Variants in FAM76A observed in about 807,000 individuals in gnomAD.
The protein encoded by FAM76A is family with sequence similarity 76 member A, also known as protein FAM76A.
A neutral mutation model predicts 46.2 loss-of-function variants in FAM76A; 32 were observed. That is an observed-to-expected ratio of 0.69 (90% confidence interval 0.52 to 0.93). FAM76A has a LOEUF of 0.93. Among genes scored for constraint, FAM76A ranks in the 40% least tolerant of loss-of-function variants. The pLI, the probability that FAM76A is intolerant of heterozygous loss-of-function variation, is 0.00. For missense variants in FAM76A, 274 were observed against 361.5 expected (o/e 0.76, Z 1.96); for synonymous variants, 137 against 127.0 (o/e 1.08, Z -0.53).
intron 4 of FAM76A, among the ~76,000 whole-genome samples, chr1:27,734,956 C>A (rs142813724): frequency 6.6e-6 from 1 of 152,360 alleles, no homozygotes; most frequent in African/African-American, 2.4e-5. Context: ...TCATATTACT[C>A]TCTTGCTTAA....
chr1:27,750,368 G>T (rs553696505), intron 6 of FAM76A, among the ~76,000 whole-genome samples: 2 of 152,262 alleles, frequency 1.3e-5, no homozygotes, highest in East Asian at 3.9e-4. Context: ...GATTACATGG[G>T]GGGAGGAACC....
intron 6 of FAM76A, among the ~76,000 whole-genome samples, chr1:27,750,677 C>A (rs576850775): frequency 2.2e-4 from 34 of 152,326 alleles, no homozygotes; most frequent in African/African-American, 7.7e-4. Flanking sequence ...TGTTCACTTT[C>A]TATTAGCTTA....
intron 2 of FAM76A, among the ~76,000 whole-genome samples, chr1:27,731,341 T>G (rs1270143361): frequency 6.6e-6 from 1 of 151,838 alleles, no homozygotes; most frequent in Non-Finnish European, 1.5e-5. Context: ...GTAGCTGGGA[T>G]TACAGGCACA....
chr1:27,739,377 A>C, intron 4 of FAM76A: 1 of 523,698 alleles, frequency 1.9e-6, no homozygotes, highest in South Asian at 1.4e-5. Flanking sequence ...AACACCTCAA[A>C]AACTGGTAGA....
chr1:27,746,265 G>A (rs113055945), intron 5 of FAM76A, among the ~76,000 whole-genome samples: 2 of 152,148 alleles, frequency 1.3e-5, no homozygotes, highest in African/African-American at 2.4e-5. Flanking sequence ...GATAATTCCC[G>A]GGTTTCTTAT....
chr1:27,762,442 T>G lies in FAM76A; in HGVS notation c.*1861T>G, dbSNP rs1472417476. 1 of 152,164 alleles carries G rather than the reference T, an allele frequency of 6.6e-6. No homozygotes were observed. The highest frequency in any genetic ancestry group is 1.5e-5 in the Non-Finnish European group (1 of 68,022). The allele number at this position is 152,164 out of a possible 1,614,324, so 9.4% of individuals were successfully genotyped here. On this transcript the variant is annotated 3_prime_UTR_variant, in exon 9 of 9. Transcript: ENST00000373954. ...TCTACCAAAAAATTATAGTACTAAATTTAACTTCTAGGCGTTTCCTGGAAG... is the reference window on the plus strand; with the variant it reads ...TCTACCAAAAAATTATAGTACTAAAGTTAACTTCTAGGCGTTTCCTGGAAG...
intron 4 of FAM76A, among the ~76,000 whole-genome samples, chr1:27,742,031 A>T (rs2088164422): frequency 6.6e-6 from 1 of 152,114 alleles, no homozygotes; most frequent in Non-Finnish European, 1.5e-5. Flanking sequence ...AAATGGAAGC[A>T]GTGGAGTTAG....
At chr1:27,758,653 C>T (rs2088454977) in intron 7 of FAM76A, among the ~76,000 whole-genome samples, 1 of 151,764 alleles carries the variant, frequency 6.6e-6, no homozygotes, top group Admixed American at 6.6e-5. Flanking sequence ...AGGCGCACAC[C>T]ACCACACCCA....
In FAM76A at chr1:27,726,119, C is replaced by G; in HGVS notation, c.39C>G (p.Arg13=). ...ALYACTKCHQ[R]FPFEALSQGQ... is the part of the protein sequence containing the mutation. ...ACGCCTGCACCAAGTGCCACCAGCG[C>G]TTCCCCTTCGAGGCGCTGTCTCAGG... Residue 13 remains arginine, a synonymous_variant, in exon 1 of 9, where the codon CGC becomes CGG. Transcript: ENST00000373954. The G allele has an allele frequency of 7.7e-7, 1 of 1,306,588 alleles. No homozygotes were observed. Among genetic ancestry groups the G allele is most frequent in the Non-Finnish European group, 9.8e-7 (1 of 1,021,016 alleles). 80.9% of individuals were successfully genotyped at this position (1,306,588 alleles called of 1,614,324 possible).
chr1:27,733,143 G>A (rs2087987734), intron 3 of FAM76A, among the ~76,000 whole-genome samples: 3 of 152,098 alleles, frequency 2.0e-5, no homozygotes, highest in Admixed American at 2.0e-4. Context: ...TGTTGGTCAG[G>A]CTGGTCTCGG....
chr1:27,746,003 G>A (rs2088235230), intron 5 of FAM76A, among the ~76,000 whole-genome samples: 1 of 152,164 alleles, frequency 6.6e-6, no homozygotes, highest in South Asian at 2.1e-4. Context: ...GCAGAGGAGA[G>A]ACCAAATCTT....
chr1:27,743,635 C>T (rs1229522000), intron 4 of FAM76A, among the ~76,000 whole-genome samples: 3 of 152,070 alleles, frequency 2.0e-5, no homozygotes, highest in Non-Finnish European at 4.4e-5. Flanking sequence ...CATGGTGGTG[C>T]ACACCTGTAG....
intron 5 of FAM76A, among the ~76,000 whole-genome samples, chr1:27,748,469 G>GTTTTT (rs1162208303): frequency 1.8e-5 from 2 of 112,634 alleles, no homozygotes; most frequent in African/African-American, 6.8e-5. Flanking sequence ...TCTTATTGAA[G>GTTTTT]TTTTTTTTTT....
Position 27,726,753 on chromosome 1 carries a change from C to T in FAM76A, c.81+592C>T, listed in dbSNP as rs2087868262. Among the ~76,000 whole-genome samples the T allele has an allele frequency of 2.6e-5, 4 of 152,102 alleles. No homozygotes were observed. In the South Asian group the frequency reaches 8.3e-4, roughly 32 times the overall value. On this transcript the variant is annotated intron_variant, in intron 1 of 8. Coordinates refer to ENST00000373954, the MANE Select transcript of FAM76A (RefSeq NM_152660.3). ...ATCCGAGGGATCACTTCTCAGCATCCAGTTGGTGGTCTTCGGTCTTCCCTG... is the reference window on the plus strand; with the variant it reads ...ATCCGAGGGATCACTTCTCAGCATCTAGTTGGTGGTCTTCGGTCTTCCCTG...
At position 27,730,006 on chromosome 1, in the gene FAM76A, T is replaced by A. The variant is rs374180554; in HGVS notation, c.146+2470T>A. On this transcript the variant is annotated intron_variant, in intron 2 of 8. Coordinates refer to ENST00000373954, the MANE Select transcript of FAM76A (RefSeq NM_152660.3). Reference sequence around the variant, plus strand: ...TTTTGCCTATTCTGGGACTTCATGTTAGTGGAATCATACTCTAGAAGCTTT... The same window carrying A: ...TTTTGCCTATTCTGGGACTTCATGTAAGTGGAATCATACTCTAGAAGCTTT... 7.9e-5 allele frequency among the ~76,000 whole-genome samples: 12 copies of A among 152,292 alleles called. No homozygotes were observed. In the East Asian group the frequency reaches 2.3e-3, roughly 29 times the overall value.
At chr1:27,745,864 T>C (rs2088233310) in intron 5 of FAM76A, among the ~76,000 whole-genome samples, 1 of 152,264 alleles carries the variant, frequency 6.6e-6, no homozygotes, top group East Asian at 1.9e-4. Flanking sequence ...TTGTAAGTCC[T>C]TTTATATTGC....
intron 4 of FAM76A, among the ~76,000 whole-genome samples, chr1:27,737,245 G>A (rs947200672): frequency 7.2e-5 from 11 of 152,050 alleles, no homozygotes; most frequent in African/African-American, 2.2e-4. Flanking sequence ...CACCGTGCCC[G>A]GCCTGCTCTT....
At chr1:27,738,146 G>T in intron 4 of FAM76A, among the ~76,000 whole-genome samples, 1 of 152,062 alleles carries the variant, frequency 6.6e-6, no homozygotes, top group East Asian at 1.9e-4. Flanking sequence ...GATCACTTGA[G>T]CCCAGGAGTT....
At chr1:27,757,519 C>T (rs1428343119) in intron 7 of FAM76A, among the ~76,000 whole-genome samples, 1 of 152,152 alleles carries the variant, frequency 6.6e-6, no homozygotes, top group Admixed American at 6.5e-5. Flanking sequence ...AGGCATGTGG[C>T]ACCACAGCCA....
Sources: gnomAD v4.1 joint callset for allele counts (sites outside exome capture counted in the v4.1 genomes callset) on GRCh38, gnomAD v4.1.1 for gene constraint, MANE v1.5 for transcripts, NCBI Gene and HGNC (gene_info 2026-07-23, HGNC 2026-07-21) for gene names.